EXOC4: variants seen among roughly 807,000 people sequenced by gnomAD.
EXOC4 encodes the protein SEC8-like 1.
In EXOC4, 71 loss-of-function variants were observed where a neutral mutation model predicts 107.2. The observed-to-expected ratio is 0.66, with a 90% CI of 0.55 to 0.81. EXOC4 has a LOEUF of 0.81. Among genes scored for constraint, EXOC4 ranks in the 30% least tolerant of loss-of-function variants. The pLI is 0.00. For missense variants in EXOC4, 1,108 were observed against 1,189.6 expected (o/e 0.93, Z 1.01); for synonymous variants, 456 against 441.2 (o/e 1.03, Z -0.42).
At chr7:133,283,140 C>G (rs1055244375) in intron 2 of EXOC4, among the ~76,000 whole-genome samples, 3 of 152,204 alleles carry the variant, frequency 2.0e-5, no homozygotes, top group African/African-American at 4.8e-5. Context: ...GGGTCGCACT[C>G]TGTTGTCCAG....
chr7:133,295,576 A>C (rs372468305), intron 3 of EXOC4, among the ~76,000 whole-genome samples: 1 of 152,152 alleles, frequency 6.6e-6, no homozygotes, highest in Admixed American at 6.5e-5. Flanking sequence ...TTGTCGTCAG[A>C]ACATTTTAGT....
At chr7:133,684,857 C>T (rs1421986126) in intron 10 of EXOC4, among the ~76,000 whole-genome samples, 1 of 151,998 alleles carries the variant, frequency 6.6e-6, no homozygotes, top group Admixed American at 6.6e-5. Flanking sequence ...AAGACAGGGC[C>T]TTGGGCCTGT....
intron 14 of EXOC4, among the ~76,000 whole-genome samples, chr7:133,943,485 C>G (rs1224896542): frequency 6.6e-6 from 1 of 152,002 alleles, no homozygotes. Context: ...CTATATTAAC[C>G]AGATAATTAC....
intron 9 of EXOC4, among the ~76,000 whole-genome samples, chr7:133,520,317 T>C (rs1799956379): frequency 6.6e-6 from 1 of 151,658 alleles, no homozygotes; most frequent in Admixed American, 6.6e-5. Context: ...TGGGGTGGGG[T>C]GTGTGTGTGT....
At chr7:133,433,469 A>G (rs981931970) in intron 7 of EXOC4, among the ~76,000 whole-genome samples, 3 of 152,220 alleles carry the variant, frequency 2.0e-5, no homozygotes, top group Non-Finnish European at 4.4e-5. Context: ...AGAAGGATGA[A>G]AAGCACTGGC....
intron 10 of EXOC4, among the ~76,000 whole-genome samples, chr7:133,781,767 G>A (rs535718539): frequency 6.6e-6 from 1 of 152,296 alleles, no homozygotes; most frequent in African/African-American, 2.4e-5. Context: ...GGAGTGGTAG[G>A]GGGCTCAGAC....
chr7:133,256,272 C>T (rs1004810371), intron 1 of EXOC4, among the ~76,000 whole-genome samples: 3 of 152,300 alleles, frequency 2.0e-5, no homozygotes, highest in East Asian at 1.9e-4. Flanking sequence ...TGAGCCACCG[C>T]GCCTGGTCTG....
intron 8 of EXOC4, among the ~76,000 whole-genome samples, chr7:133,477,403 T>A (rs1408551676): frequency 6.6e-6 from 1 of 152,202 alleles, no homozygotes; most frequent in Non-Finnish European, 1.5e-5. Context: ...ATAGTCAGAA[T>A]CAGTGTGTAG....
At chr7:134,022,936 G>A (rs1236170591) in intron 17 of EXOC4, among the ~76,000 whole-genome samples, 2 of 152,140 alleles carry the variant, frequency 1.3e-5, no homozygotes, top group African/African-American at 4.8e-5. Context: ...AGTATCCTTA[G>A]TCTGCATTTC....
intron 12 of EXOC4, among the ~76,000 whole-genome samples, chr7:133,912,696 T>C (rs1799722750): frequency 1.3e-5 from 2 of 152,112 alleles, no homozygotes; most frequent in Non-Finnish European, 2.9e-5. Context: ...ACAGAAAAAC[T>C]AAGAAGAAAT....
At chr7:133,721,416 C>G (rs145366792) in intron 10 of EXOC4, among the ~76,000 whole-genome samples, 1 of 152,124 alleles carries the variant, frequency 6.6e-6, no homozygotes, top group East Asian at 1.9e-4. Context: ...AATTTGAAAC[C>G]AGGGTGGTGT....
chr7:133,960,512 T>C (rs927937243), intron 14 of EXOC4, among the ~76,000 whole-genome samples: 3 of 152,184 alleles, frequency 2.0e-5, no homozygotes, highest in African/African-American at 7.2e-5. Flanking sequence ...TAAATTACCA[T>C]TTCAATCTCA....
At chr7:133,999,792 A>G (rs1794489776) in intron 15 of EXOC4, among the ~76,000 whole-genome samples, 1 of 152,176 alleles carries the variant, frequency 6.6e-6, no homozygotes, top group African/African-American at 2.4e-5. Context: ...GTTAATTCCA[A>G]GTGGGATATT....
chr7:134,055,328 G>A (rs147206523), intron 17 of EXOC4, among the ~76,000 whole-genome samples: 2 of 152,260 alleles, frequency 1.3e-5, no homozygotes, highest in East Asian at 3.9e-4. Context: ...GCTGTAGTGG[G>A]TTGCAGTGAA....
chr7:133,334,090 T>C (rs1795454499), intron 5 of EXOC4, among the ~76,000 whole-genome samples: 1 of 152,236 alleles, frequency 6.6e-6, no homozygotes, highest in African/African-American at 2.4e-5. Flanking sequence ...TTTGTTACTG[T>C]TTTTATTTCA....
chr7:133,533,802 A>G (rs1207778290), intron 9 of EXOC4, among the ~76,000 whole-genome samples: 2 of 147,912 alleles, frequency 1.4e-5, no homozygotes, highest in Non-Finnish European at 2.9e-5. Flanking sequence ...AGTATGTTGG[A>G]AAAGAGAAAT....
chr7:133,876,499 C>T (rs1250597459), intron 11 of EXOC4, among the ~76,000 whole-genome samples: 1 of 151,146 alleles, frequency 6.6e-6, no homozygotes, highest in African/African-American at 2.4e-5. Context: ...TCATCGTCTT[C>T]TTCTTCTTCC....
chr7:134,031,910 G>A (rs1238619842), intron 17 of EXOC4, among the ~76,000 whole-genome samples: 1 of 152,160 alleles, frequency 6.6e-6, no homozygotes, highest in Non-Finnish European at 1.5e-5. Context: ...AGTTTGTAAA[G>A]TCCTGGTTTA....
intron 5 of EXOC4, among the ~76,000 whole-genome samples, chr7:133,352,875 C>G (rs1795942391): frequency 6.6e-6 from 1 of 152,014 alleles, no homozygotes; most frequent in Non-Finnish European, 1.5e-5. Context: ...AACTCTCTAA[C>G]TTGAATTTAT....
Sources: gnomAD v4.1 joint callset for allele counts (sites outside exome capture counted in the v4.1 genomes callset) on GRCh38, gnomAD v4.1.1 for gene constraint, MANE v1.5 for transcripts, NCBI Gene and HGNC (gene_info 2026-07-23, HGNC 2026-07-21) for gene names.